The following AFDN variants were observed in gnomAD, a reference collection of about 807,000 sequenced individuals.
AFDN encodes the protein afadin.
AFDN carries 68 observed loss-of-function variants against 216.6 expected under a neutral mutation model. The observed-to-expected ratio is 0.31, with a 90% confidence interval of 0.26 to 0.38. AFDN has a LOEUF of 0.38. Among genes scored for constraint, AFDN ranks in the 10% least tolerant of loss-of-function variants. The pLI is 1.00. For missense variants in AFDN, 2,136 were observed against 2,342.0 expected, an observed-to-expected ratio of 0.91 and a Z score of 1.82; for synonymous variants, 868 against 853.7, an observed-to-expected ratio of 1.02 and a Z score of -0.29.
At chr6:167,964,834 G>C in intron 31 of AFDN, 4 of 1,066,018 alleles carry the variant, frequency 3.8e-6, no homozygotes, top group African/African-American at 3.3e-5. Context: ...AGTTTATTCT[G>C]TTTGCTCTTT....
At position 167,965,870 on chromosome 6, in the gene AFDN, G is replaced by A. The variant is rs1233153252; in HGVS notation, c.5082G>A (p.Pro1694=). ...EPEAPGLCRP[P]LPRDYEPPSP... ...AGGCGCCCGGTCTGTGCCGCCCTCC[G>A]CTTCCCCGGGACTACGAGCCCCCGT... The change falls in exon 32 of 34, where the codon CCG becomes CCA. Residue 1694 remains proline (P), a synonymous_variant. Transcript: ENST00000683244. 5 of 1,548,726 alleles carry A rather than the reference G, an allele frequency of 3.2e-6. No homozygotes were observed. In the African/African-American group the frequency reaches 6.8e-5, roughly 21 times the overall value.
Position 167,914,186 on chromosome 6 carries a change from G to A in AFDN, c.2077G>A (p.Gly693Arg), listed in dbSNP as rs1288346873. 3 of 1,614,018 alleles carry A rather than the reference G, an allele frequency of 1.9e-6. No individual in the cohort carries two copies. Among genetic ancestry groups the A allele is most frequent in the South Asian group, 1.1e-5 (1 of 91,050 alleles). ...QVDQKQKNIA[G>R]ALAFWMANAS... ...TCTACAGAAACAGAAGAATATTGCAGGGGCACTTGCCTTCTGGATGGCAAA... is the reference window on the plus strand; with the variant it reads ...TCTACAGAAACAGAAGAATATTGCAAGGGCACTTGCCTTCTGGATGGCAAA... The change falls in exon 17 of 34, where the codon GGG (glycine) becomes AGG (arginine). Residue 693 changes from glycine (G) to arginine (R), a missense_variant. Gly to Arg is a moderately radical substitution (Grantham distance 125). Transcript: ENST00000683244.
intron 19 of AFDN, 39 bp from the exon 20 acceptor site, chr6:167,917,050 A>G (rs779442216): frequency 3.2e-6 from 5 of 1,577,298 alleles, no homozygotes; most frequent in South Asian, 2.3e-5. Context: ...AAATAACTTT[A>G]CAAGTGTGAT....
chr6:167,943,474 A>G lies in AFDN; in HGVS notation c.3238A>G (p.Arg1080Gly). ...GRSLVGLSQE[R>G]AAELMTRTSS... ...AAGTCTGGTTGGACTCTCTCAGGAA[A>G]GGTATCATTGATTTATTTGCTTGAA... The change falls in exon 25 of 34, where the codon AGG becomes GGG. Residue 1080 changes from arginine to glycine, a missense_variant and splice_region_variant. By Grantham distance (125) the Arg-to-Gly change is moderately radical. Around this residue, in one of 8 missense-constraint regions of AFDN, gnomAD observed 74 missense variants for 98.8 expected, o/e 0.75. Coordinates refer to ENST00000683244, the MANE Select transcript of AFDN (RefSeq NM_001386888.1). 1 of 1,612,054 alleles carries G rather than the reference A, an allele frequency of 6.2e-7. No homozygotes were observed. The highest frequency in any genetic ancestry group is 1.7e-4 in the Middle Eastern group (1 of 6,058).
At chr6:167,884,565 G>A (rs193071287) in intron 6 of AFDN, among the ~76,000 whole-genome samples, 231 of 152,236 alleles carry the variant, frequency 1.5e-3, no homozygotes, top group African/African-American at 5.3e-3. Flanking sequence ...CCTTGTCAGT[G>A]AGCAGTAATA....
At chr6:167,915,063 C>T (rs1181895230) in intron 18 of AFDN, 105 bp from the exon 19 acceptor site, 32 of 1,167,650 alleles carry the variant, frequency 2.7e-5, no homozygotes, top group Middle Eastern at 2.9e-4. Flanking sequence ...AGTAATTAAA[C>T]GGCACTTACT....
chr6:167,956,034 G>A (rs1796468320), intron 30 of AFDN, among the ~76,000 whole-genome samples: 2 of 137,498 alleles, frequency 1.5e-5, no homozygotes, highest in African/African-American at 2.7e-5. Flanking sequence ...ACACTTGCTC[G>A]AACCCAGGAG....
At chr6:167,891,695 C>G (rs1378805717) in intron 8 of AFDN, among the ~76,000 whole-genome samples, 1 of 152,018 alleles carries the variant, frequency 6.6e-6, no homozygotes, top group African/African-American at 2.4e-5. Flanking sequence ...CACACACATT[C>G]CTAGGTAGAG....
rs1189100775 is a variant in AFDN, at chr6:167,870,496, A to G, written c.412A>G (p.Lys138Glu). ...GAATGAGAATGACGCCATTCCTCCT[A>G]AGGTAGGAACCCTCAGTATTTTATG... The part of the protein sequence containing the change: ...LKNENDAIPP[K>E]KAQSNGPEKQ... Residue 138 changes from lysine (K) to glutamate (E), a missense_variant and splice_region_variant, in exon 3 of 34, where the codon AAG becomes GAG. By Grantham distance (56) the Lys-to-Glu change is moderately conservative. Transcript: ENST00000683244. 9 of 1,593,798 alleles carry G rather than the reference A, an allele frequency of 5.6e-6. No homozygotes were observed. The highest frequency in any genetic ancestry group is 7.7e-6 in the Non-Finnish European group (9 of 1,163,908).
intron 11 of AFDN, among the ~76,000 whole-genome samples, chr6:167,899,528 C>T (rs568609659): frequency 6.6e-6 from 1 of 152,310 alleles, no homozygotes; most frequent in Admixed American, 6.5e-5. Context: ...TCCCTATTTC[C>T]TGTCCCTTGT....
In AFDN at chr6:167,947,959, T is replaced by A. The variant is rs1448618022; in HGVS notation, c.3645+15T>A. 4 of 1,582,030 alleles carry A rather than the reference T, an allele frequency of 2.5e-6. No homozygotes were observed. The highest frequency in any genetic ancestry group is 3.5e-6 in the Non-Finnish European group (4 of 1,151,400). Reference sequence around the variant, plus strand: ...TCTGCACTGAGGTCTGATTGATTGATAAGCAAAAGGCTTCTACTGCATTTC... The same window carrying A: ...TCTGCACTGAGGTCTGATTGATTGAAAAGCAAAAGGCTTCTACTGCATTTC... On this transcript the variant is annotated intron_variant, in intron 28 of 33. Coordinates refer to ENST00000683244, the MANE Select transcript of AFDN (RefSeq NM_001386888.1).
intron 12 of AFDN, among the ~76,000 whole-genome samples, chr6:167,904,101 T>C (rs1789337195): frequency 6.6e-6 from 1 of 152,222 alleles, no homozygotes; most frequent in Non-Finnish European, 1.5e-5. Flanking sequence ...TTCCTGCATC[T>C]TTCCTAGGTG....
chr6:167,962,320 C>A lies in AFDN; in HGVS notation c.4834-113C>A. 7.4e-7 allele frequency: 1 copy of A among 1,359,624 alleles called. No individual in the cohort carries two copies. The highest frequency in any genetic ancestry group is 9.8e-7 in the Non-Finnish European group (1 of 1,024,810). The allele number at this position is 1,359,624 out of a possible 1,614,324, so 84.2% of individuals were successfully genotyped here. A position where few individuals can be genotyped will look rare whatever the true frequency, so the allele number is the denominator to read the frequency against. On this transcript the variant is annotated intron_variant, in intron 30 of 33. Coordinates refer to ENST00000683244, the MANE Select transcript of AFDN (RefSeq NM_001386888.1). This position sits in a 1 kb window ranked among gnomAD's most constrained non-coding sequence, Gnocchi z 5.2. ...TTTTAACCTGGTATTTTATATTTAA[C>A]TTTCTGTGTGTGTGTGTTTGTGTAT...
At chr6:167,891,152 T>G in intron 8 of AFDN, 123 bp downstream of exon 8, 1 of 767,018 alleles carries the variant, frequency 1.3e-6, no homozygotes. Flanking sequence ...TAGCCATTTA[T>G]TTTTTTAAAA....
chr6:167,862,595 G>A (rs561842724), intron 1 of AFDN, among the ~76,000 whole-genome samples: 20 of 152,244 alleles, frequency 1.3e-4, no homozygotes, highest in African/African-American at 3.8e-4. Flanking sequence ...GGCTGGTCTC[G>A]AACTCCTGAT....
intron 1 of AFDN, among the ~76,000 whole-genome samples, chr6:167,840,235 A>G (rs1780911612): frequency 2.0e-5 from 3 of 152,238 alleles, no homozygotes; most frequent in Admixed American, 6.5e-5. Context: ...GACCTTATTT[A>G]AAAACATTCA....
rs1366283500 is a variant in AFDN at position 167,880,428 on chromosome 6, A to G, written c.808A>G (p.Thr270Ala). 4 of 1,613,574 alleles carry G rather than the reference A, an allele frequency of 2.5e-6. No homozygotes were observed. The highest frequency in any genetic ancestry group is 2.5e-6 in the Non-Finnish European group (3 of 1,179,618). The change falls in exon 6 of 34, where the codon ACT becomes GCT. Residue 270 changes from threonine to alanine, a missense_variant. By Grantham distance (58) the Thr-to-Ala change is moderately conservative. This residue lies in a region of AFDN where 817 missense variants were observed against 965.7 expected (regional missense o/e 0.85). Coordinates refer to ENST00000683244, the MANE Select transcript of AFDN (RefSeq NM_001386888.1). ...NIPYKTILLSTTDPADFAVAE... is the reference protein window; with the variant it reads ...NIPYKTILLSATDPADFAVAE... The stretch of plus-strand genomic sequence containing the variant: ...TCCCTACAAGACAATCCTGCTGTCT[A>G]CTACAGATCCTGCAGACTTTGCTGT...
At chr6:167,891,580 GTCC>G (rs763143103) in intron 8 of AFDN, among the ~76,000 whole-genome samples, 7 of 152,052 alleles carry the variant, frequency 4.6e-5, no homozygotes, top group Non-Finnish European at 8.8e-5. Flanking sequence ...TTTCACATGA[GTCC>G]TCTAAGTGTT....
chr6:167,903,112 C>T (rs1007298784), intron 12 of AFDN, among the ~76,000 whole-genome samples: 1 of 152,254 alleles, frequency 6.6e-6, no homozygotes, highest in East Asian at 1.9e-4. Context: ...CCATAATGAT[C>T]CCTTATCTCT....
Sources: allele counts gnomAD v4.1 joint callset (sites outside exome capture counted in the v4.1 genomes callset), GRCh38; gene constraint gnomAD v4.1.1; regional missense constraint gnomAD v4.1.1; non-coding constraint Gnocchi (gnomAD v3.1); transcripts MANE v1.5; gene names NCBI Gene and HGNC (gene_info 2026-07-23, HGNC 2026-07-21).